SLC35D1: variants seen among roughly 807,000 people sequenced by gnomAD.
SLC35D1 encodes the protein solute carrier family 35 member D1.
A neutral mutation model predicts 46.7 loss-of-function variants in SLC35D1; 31 were observed. That is an observed-to-expected ratio of 0.66 (90% CI 0.50 to 0.90). SLC35D1 has a LOEUF of 0.90. SLC35D1 is among the 40% of genes least tolerant of loss of function. The pLI is 0.00. For missense variants in SLC35D1, 397 were observed against 426.2 expected, an observed-to-expected ratio of 0.93 and a Z score of 0.60; for synonymous variants, 195 against 164.6, an observed-to-expected ratio of 1.18 and a Z score of -1.41.
rs780452812 is a variant in SLC35D1 at position 67,047,320 on chromosome 1, T to C, written c.581A>G (p.Asn194Ser). The change falls in exon 7 of 12, where the codon AAC (asparagine) becomes AGC (serine). Residue 194 changes from asparagine to serine, a missense_variant. Physicochemically the swap from Asn to Ser is conservative, Grantham distance 46. Transcript: ENST00000235345. ...DLEGYAFILI[N>S]DVLTAANGAY... The stretch of plus-strand genomic sequence containing the variant: ...ACCATTTGCTGCTGTTAGGACATCG[T>C]TTATCAGAATAAAAGCATATCCTTC... The C allele has an allele frequency of 1.9e-6, 3 of 1,613,518 alleles. No individual in the cohort carries two copies. The highest frequency in any genetic ancestry group is 4.5e-5 in the East Asian group (2 of 44,834).
At chr1:66,994,822 T>TA (rs1667221151), downstream of SLC35D1, among the ~76,000 whole-genome samples, 2 of 151,160 alleles carry the variant, frequency 1.3e-5, no homozygotes, top group African/African-American at 4.9e-5. Flanking sequence ...ATTAAGTATT[T>TA]AAGGTGGTTT....
the SLC35D1 span, among the ~76,000 whole-genome samples, chr1:66,989,898 T>C: frequency 6.6e-6 from 1 of 152,206 alleles, no homozygotes; most frequent in Non-Finnish European, 1.5e-5. Context: ...AATCTAGATT[T>C]AGGTTAAGAG....
At chr1:67,035,147 C>T (rs903262013) in intron 8 of SLC35D1, among the ~76,000 whole-genome samples, 5 of 151,372 alleles carry the variant, frequency 3.3e-5, no homozygotes, top group East Asian at 3.9e-4. Flanking sequence ...TGTGTGTGTG[C>T]GCGCGTGTGT....
the SLC35D1 span, among the ~76,000 whole-genome samples, chr1:66,993,596 A>T: frequency 6.6e-6 from 1 of 152,288 alleles, no homozygotes; most frequent in East Asian, 1.9e-4. Flanking sequence ...AAGCTCCATG[A>T]CCTCAGAGAA....
At chr1:66,990,261 G>A in the SLC35D1 span, among the ~76,000 whole-genome samples, 71 of 152,166 alleles carry the variant, frequency 4.7e-4, no homozygotes, top group African/African-American at 6.3e-4. Flanking sequence ...ATGAACATAC[G>A]TGGACTACAT....
chr1:67,043,508 G>A (rs747027500), intron 7 of SLC35D1, among the ~76,000 whole-genome samples: 1 of 152,158 alleles, frequency 6.6e-6, no homozygotes, highest in Non-Finnish European at 1.5e-5. Context: ...TTGTGCCACT[G>A]CATTCCAACT....
chr1:67,052,233 CA>C (rs1645317152), intron 3 of SLC35D1, among the ~76,000 whole-genome samples, 154 bp from the exon 4 acceptor site: 1 of 152,032 alleles, frequency 6.6e-6, no homozygotes, highest in Non-Finnish European at 1.5e-5. Context: ...CCCAAACACC[CA>C]AACAAAACTT....
At chr1:67,013,078 T>C (rs1008617948) in intron 10 of SLC35D1, among the ~76,000 whole-genome samples, 6 of 146,320 alleles carry the variant, frequency 4.1e-5, no homozygotes, top group African/African-American at 1.5e-4. Context: ...AAAAGAGCTC[T>C]GTGGTTAAAA....
Position 67,008,381 on chromosome 1 carries a change from C to T in SLC35D1, c.959+704G>A, listed in dbSNP as rs1252239010. ...CTTGATCTCTTGACCTTGTGATCTGCCCGCCTCAGCCTCCCAAAGTGGCAC... is the reference window on the plus strand; with the variant it reads ...CTTGATCTCTTGACCTTGTGATCTGTCCGCCTCAGCCTCCCAAAGTGGCAC... On this transcript the variant is annotated intron_variant, in intron 11 of 11. Coordinates refer to ENST00000235345, the MANE Select transcript of SLC35D1 (RefSeq NM_015139.3). 5.5e-6 allele frequency: 7 copies of T among 1,282,036 alleles called. No homozygotes were observed. In the East Asian group the frequency reaches 3.3e-4, roughly 61 times the overall value. 79.4% of individuals were successfully genotyped at this position (1,282,036 alleles called of 1,614,324 possible).
chr1:67,007,201 TG>T (rs1388701301), intron 11 of SLC35D1, among the ~76,000 whole-genome samples: 1 of 152,184 alleles, frequency 6.6e-6, no homozygotes, highest in Non-Finnish European at 1.5e-5. Flanking sequence ...ATACCATAAA[TG>T]GTGGCTTATA....
chr1:66,985,182 C>CCAAAA, the SLC35D1 span: 13 of 986,172 alleles, frequency 1.3e-5, no homozygotes, highest in Non-Finnish European at 1.6e-5. Flanking sequence ...TTCAGATTTA[C>CCAAAA]TAATTTTGGT....
chr1:66,977,600 A>G, the SLC35D1 span, among the ~76,000 whole-genome samples: 1 of 152,086 alleles, frequency 6.6e-6, no homozygotes, highest in African/African-American at 2.4e-5. Flanking sequence ...ATTTATTCCC[A>G]TGTTAAGAGA....
At chr1:67,033,735 T>C (rs1668068710) in intron 8 of SLC35D1, among the ~76,000 whole-genome samples, 1 of 152,198 alleles carries the variant, frequency 6.6e-6, no homozygotes, top group Non-Finnish European at 1.5e-5. Flanking sequence ...TCTGTGCTTG[T>C]GGGGTATTAC....
the SLC35D1 span, chr1:66,986,230 A>G: frequency 7.8e-7 from 1 of 1,289,840 alleles, no homozygotes; most frequent in Non-Finnish European, 9.8e-7. Flanking sequence ...ATACACAATA[A>G]TCATTGCTCT....
At chr1:67,008,757 C>G (rs1366589689) in intron 11 of SLC35D1, among the ~76,000 whole-genome samples, 1 of 152,016 alleles carries the variant, frequency 6.6e-6, no homozygotes, top group Non-Finnish European at 1.5e-5. Flanking sequence ...TAATGTCCAC[C>G]ACCACGCCCA....
chr1:66,981,848 A>C, the SLC35D1 span: 4 of 1,614,056 alleles, frequency 2.5e-6, no homozygotes, highest in Non-Finnish European at 3.4e-6. Context: ...CCCCTCCCCC[A>C]ACTGCATCAA....
intron 11 of SLC35D1, among the ~76,000 whole-genome samples, chr1:67,005,820 G>A (rs1160205695): frequency 6.6e-6 from 1 of 152,112 alleles, no homozygotes; most frequent in African/African-American, 2.4e-5. Flanking sequence ...CTGAATACTA[G>A]TTATCCATCC....
intron 7 of SLC35D1, 72 bp from the exon 8 acceptor site, chr1:67,042,400 C>T (rs201459193): frequency 3.0e-4 from 140 of 469,088 alleles, no homozygotes; most frequent in African/African-American, 2.3e-3. Flanking sequence ...CAAAATACCA[C>T]TCAAACTACA....
At chr1:67,010,800 A>G (rs1357589430) in intron 10 of SLC35D1, among the ~76,000 whole-genome samples, 1 of 152,168 alleles carries the variant, frequency 6.6e-6, no homozygotes, top group Non-Finnish European at 1.5e-5. Context: ...TTTTACCCCC[A>G]AATATATTTC....
Sources: allele counts gnomAD v4.1 joint callset (sites outside exome capture counted in the v4.1 genomes callset), GRCh38; gene constraint gnomAD v4.1.1; transcripts MANE v1.5; gene names NCBI Gene and HGNC (gene_info 2026-07-23, HGNC 2026-07-21).